MINPP1: variants seen among roughly 807,000 people sequenced by gnomAD.
The protein encoded by MINPP1 is multiple inositol polyphosphate phosphatase 1.
MINPP1 carries 28 observed loss-of-function variants against 46.1 expected under a neutral mutation model. The observed-to-expected ratio is 0.61, with a 90% confidence interval of 0.45 to 0.83. The LOEUF is 0.83. Among genes scored for constraint, MINPP1 ranks in the 40% least tolerant of loss-of-function variants. The pLI is 0.00. For synonymous variants in MINPP1, 268 were observed against 249.1 expected (o/e 1.08, Z -0.72); for missense variants, 603 against 610.0 (o/e 0.99, Z 0.12).
intron 4 of MINPP1, 60 bp downstream of exon 4, chr10:87,521,229 T>A: frequency 7.3e-7 from 1 of 1,362,934 alleles, no homozygotes; most frequent in Non-Finnish European, 1.0e-6. Context: ...TTCTGGAAAT[T>A]TTTTTATAAT....
rs762432754 is a variant in MINPP1 at position 87,516,567 on chromosome 10, A to G, written c.933+3346A>G. On this transcript the variant is annotated intron_variant, in intron 3 of 4. Coordinates refer to ENST00000371996, the MANE Select transcript of MINPP1 (RefSeq NM_004897.5). ...TTGAAAAATTTTAAGTCAAACCATC[A>G]TAAGTTGCAGACTGCCCATGAAAGG... Among the ~76,000 whole-genome samples the G allele has an allele frequency of 6.7e-5, 7 of 104,982 alleles. 2 individuals are homozygous for G. The highest frequency in any genetic ancestry group is 1.5e-4 in the Non-Finnish European group (6 of 40,094). 68.9% of individuals were successfully genotyped at this position (104,982 alleles called of 152,430 possible). A position where few individuals can be genotyped will look rare whatever the true frequency, so the allele number is the denominator to read the frequency against.
At chr10:87,550,356 A>G (rs1851945154) in intron 4 of MINPP1, among the ~76,000 whole-genome samples, 1 of 152,316 alleles carries the variant, frequency 6.6e-6, no homozygotes, top group African/African-American at 2.4e-5. Flanking sequence ...ACCTAATTAA[A>G]GTATACCAGT....
chr10:87,524,035 C>G (rs1851539783), intron 4 of MINPP1, among the ~76,000 whole-genome samples: 1 of 152,210 alleles, frequency 6.6e-6, no homozygotes, highest in South Asian at 2.1e-4. Flanking sequence ...CTTCAACTTA[C>G]AGTCAGGAGC....
In MINPP1 at chr10:87,532,133, A is replaced by G. The variant is rs569226327; in HGVS notation, c.1067+10964A>G. Reference sequence around the variant, plus strand: ...CCCTGCCCCCCTTGGCAATTGTCCAAATAATGAAAACAAGAGCTTTGTGAG... The same window carrying G: ...CCCTGCCCCCCTTGGCAATTGTCCAGATAATGAAAACAAGAGCTTTGTGAG... On this transcript the variant is annotated intron_variant, in intron 4 of 4. Coordinates refer to ENST00000371996, the MANE Select transcript of MINPP1 (RefSeq NM_004897.5). Among the ~76,000 whole-genome samples, 4 of 152,336 alleles carry G rather than the reference A, an allele frequency of 2.6e-5. No individual in the cohort carries two copies. In the East Asian group the frequency reaches 7.7e-4, roughly 29 times the overall value.
chr10:87,513,940 G>C (rs1320851202), intron 3 of MINPP1, among the ~76,000 whole-genome samples: 1 of 152,054 alleles, frequency 6.6e-6, no homozygotes, highest in Non-Finnish European at 1.5e-5. Context: ...TGCTTTTTCT[G>C]ATCTCCAGAG....
chr10:87,533,363 T>C (rs1851687043), intron 4 of MINPP1, among the ~76,000 whole-genome samples: 1 of 152,170 alleles, frequency 6.6e-6, no homozygotes, highest in South Asian at 2.1e-4. Context: ...TTTATTTTCC[T>C]TTTTGCACCA....
rs1851359063 is a variant in MINPP1 at position 87,513,108 on chromosome 10, C to T, written c.836-16C>T. On this transcript the variant is annotated splice_polypyrimidine_tract_variant and intron_variant, in intron 2 of 4. Coordinates refer to ENST00000371996, the MANE Select transcript of MINPP1 (RefSeq NM_004897.5). ...AAAATAATGACCCACAAAATTTTAC[C>T]TTTTTTTCCCCCCAGATTTAATTCA... 2 of 1,605,536 alleles carry T rather than the reference C, an allele frequency of 1.2e-6. No homozygotes were observed. Among genetic ancestry groups the T allele is most frequent in the East Asian group, 2.2e-5 (1 of 44,730 alleles).
At chr10:87,515,635 T>C (rs541408105) in intron 3 of MINPP1, among the ~76,000 whole-genome samples, 1 of 152,290 alleles carries the variant, frequency 6.6e-6, no homozygotes, top group African/African-American at 2.4e-5. Context: ...GTTTATATGC[T>C]GAAGTATTTA....
intron 3 of MINPP1, among the ~76,000 whole-genome samples, chr10:87,520,057 A>AGTGTGTGTGTGTGTGTGTGTGTGT (rs141533495): frequency 0.012 from 1,753 of 147,380 alleles, 54 homozygotes; most frequent in East Asian, 0.096. Flanking sequence ...TAAAAGGTAT[A>AGTGTGTGTGTGTGTGTGTGTGTGT]GTGTGTGTGT....
chr10:87,544,744 G>T (rs942116276), intron 4 of MINPP1, among the ~76,000 whole-genome samples: 4 of 152,068 alleles, frequency 2.6e-5, no homozygotes, highest in Non-Finnish European at 4.4e-5. Flanking sequence ...TAATAATAAA[G>T]ATTACTTTAT....
At chr10:87,530,679 G>A (rs61853076) in intron 4 of MINPP1, among the ~76,000 whole-genome samples, 18,643 of 152,206 alleles carry the variant, frequency 0.12, 1,378 homozygotes, top group Non-Finnish European at 0.17. Flanking sequence ...CAGTCTGTCC[G>A]TTCTCAGATC....
chr10:87,523,865 G>T (rs971401968), intron 4 of MINPP1, among the ~76,000 whole-genome samples: 1 of 152,136 alleles, frequency 6.6e-6, no homozygotes, highest in Non-Finnish European at 1.5e-5. Context: ...CTGAGCAGGA[G>T]GTCTCAATAG....
At chr10:87,534,605 A>G (rs1851707505) in intron 4 of MINPP1, among the ~76,000 whole-genome samples, 1 of 152,102 alleles carries the variant, frequency 6.6e-6, no homozygotes, top group Non-Finnish European at 1.5e-5. Context: ...ATCTGTTGTC[A>G]TATCTATTCT....
At chr10:87,526,658 C>T (rs1163570096) in intron 4 of MINPP1, among the ~76,000 whole-genome samples, 1 of 152,152 alleles carries the variant, frequency 6.6e-6, no homozygotes, top group African/African-American at 2.4e-5. Context: ...AGGTTTTCTT[C>T]TAGGGTTTTT....
intron 4 of MINPP1, among the ~76,000 whole-genome samples, chr10:87,542,538 G>A (rs529460403): frequency 4.6e-5 from 7 of 152,140 alleles, no homozygotes; most frequent in Non-Finnish European, 1.0e-4. Context: ...GAGCTCAAGT[G>A]ATCTGCCCAC....
intron 4 of MINPP1, among the ~76,000 whole-genome samples, chr10:87,538,907 T>C (rs1227920966): frequency 6.6e-6 from 1 of 152,222 alleles, no homozygotes; most frequent in African/African-American, 2.4e-5. Context: ...TATTAGTTGT[T>C]TTTTCTGGTT....
In MINPP1 at chr10:87,508,338, A is replaced by G. The variant is rs1851284799; in HGVS notation, c.640A>G (p.Met214Val). 6.2e-7 allele frequency: 1 copy of G among 1,613,026 alleles called. No individual in the cohort carries two copies. The highest frequency in any genetic ancestry group is 1.1e-5 in the South Asian group (1 of 90,776). ...ATATAAATTTTTTTCTCTTTCAGAT[A>G]TGGAGTTTGGACCTCCAACAGTTAA... ...PGLPPPDVADMEFGPPTVNDK... is the reference protein window; with the variant it reads ...PGLPPPDVADVEFGPPTVNDK... Residue 214 changes from methionine (M) to valine (V), a missense_variant and splice_region_variant, in exon 2 of 5, where the codon ATG becomes GTG. Transcript: ENST00000371996.
chr10:87,534,805 C>T (rs1007260946), intron 4 of MINPP1, among the ~76,000 whole-genome samples: 7 of 152,232 alleles, frequency 4.6e-5, no homozygotes, highest in Non-Finnish European at 8.8e-5. Context: ...TAGAAATATG[C>T]TAGTTGAATC....
At chr10:87,528,058 T>C in intron 4 of MINPP1, among the ~76,000 whole-genome samples, 1 of 152,016 alleles carries the variant, frequency 6.6e-6, no homozygotes, top group South Asian at 2.1e-4. Flanking sequence ...TGATATCCCC[T>C]TTATCATTTT....
Sources: gnomAD v4.1 joint callset for allele counts (sites outside exome capture counted in the v4.1 genomes callset) on GRCh38, gnomAD v4.1.1 for gene constraint, MANE v1.5 for transcripts, NCBI Gene and HGNC (gene_info 2026-07-23, HGNC 2026-07-21) for gene names.